CMKLR1: variants seen among roughly 807,000 people sequenced by gnomAD.
CMKLR1 encodes chemerin chemokine-like receptor 1.
A neutral mutation model predicts 8.2 loss-of-function variants in CMKLR1; 6 were observed. That is an observed-to-expected ratio of 0.73 (90% CI 0.40 to 1.44). The LOEUF is 1.44. CMKLR1 is among the 40% of genes most tolerant of loss of function. CMKLR1 has a pLI of 0.02. For missense variants in CMKLR1, 429 were observed against 478.0 expected, an observed-to-expected ratio of 0.90 and a Z score of 0.96; for synonymous variants, 178 against 181.2, an observed-to-expected ratio of 0.98 and a Z score of 0.14.
chr12:108,333,861 G>T (rs899143949), intron 1 of CMKLR1, among the ~76,000 whole-genome samples: 3 of 152,236 alleles, frequency 2.0e-5, no homozygotes, highest in African/African-American at 7.2e-5. Context: ...TGTGTCCATT[G>T]CTGCAAAAAT....
In CMKLR1 at chr12:108,290,012, C is replaced by T. The variant is rs368435515; in HGVS notation, c.*1829G>A. On this transcript the variant is annotated 3_prime_UTR_variant, in exon 4 of 4. Transcript: ENST00000550402. ...CCTCAGGCCCACAAGGGACTGCCTC[C>T]TGCCAGCTTTCCCTCCCCATTGCCT... 2 of 152,394 alleles carry T rather than the reference C, an allele frequency of 1.3e-5. No homozygotes were observed. Among genetic ancestry groups the T allele is most frequent in the African/African-American group, 4.8e-5 (2 of 41,594 alleles). 9.4% of individuals were successfully genotyped at this position (152,394 alleles called of 1,614,324 possible). A position where few individuals can be genotyped will look rare whatever the true frequency, so the allele number is the denominator to read the frequency against.
chr12:108,310,163 C>CTGTGTG lies in CMKLR1; in HGVS notation c.-73-16505_-73-16500dup, dbSNP rs35140046. 7.5e-3 allele frequency among the ~76,000 whole-genome samples: 1,069 copies of CTGTGTG among 142,490 alleles called. 11 individuals carry two copies. Among genetic ancestry groups the CTGTGTG allele is most frequent in the South Asian group, 0.02 (84 of 4,290 alleles). 93.5% of individuals were successfully genotyped at this position (142,490 alleles called of 152,430 possible). On this transcript the variant is annotated intron_variant, in intron 2 of 3. Coordinates refer to ENST00000550402, the MANE Select transcript of CMKLR1 (RefSeq NM_001142343.2). ...AGGCTTGAAAAAGTGTGGTTAGGGGCTGTGTGTGTGTGTGTGTGTGTGTGT... is the reference window on the plus strand; with the variant it reads ...AGGCTTGAAAAAGTGTGGTTAGGGGCTGTGTGTGTGTGTGTGTGTGTGTGTGTGTGT...
chr12:108,291,864 C>G lies in CMKLR1; in HGVS notation c.1099G>C (p.Glu367Gln), dbSNP rs1329645748. Reference sequence around the variant, plus strand: ...GATCAAAGCATGCCGGTCTCCCTCTCATTCATAGAAGTCCTCTCATTCATT... The same window carrying G: ...GATCAAAGCATGCCGGTCTCCCTCTGATTCATAGAAGTCCTCTCATTCATT... ...SSMNERTSMN[E>Q]RETGML Residue 367 changes from glutamate (E) to glutamine (Q), a missense_variant, in exon 4 of 4, where the codon GAG (glutamate) becomes CAG (glutamine). Coordinates refer to ENST00000550402, the MANE Select transcript of CMKLR1 (RefSeq NM_001142343.2). 4.3e-6 allele frequency: 7 copies of G among 1,613,620 alleles called. No homozygotes were observed. The highest frequency in any genetic ancestry group is 5.9e-6 in the Non-Finnish European group (7 of 1,179,738).
intron 2 of CMKLR1, among the ~76,000 whole-genome samples, chr12:108,329,707 T>A (rs1892059867): frequency 1.3e-5 from 2 of 152,190 alleles, no homozygotes; most frequent in Non-Finnish European, 2.9e-5. Context: ...TAGATGGGCC[T>A]CCACTCTGTC....
At chr12:108,336,558 A>G (rs1461480599) in intron 1 of CMKLR1, among the ~76,000 whole-genome samples, 7 of 152,074 alleles carry the variant, frequency 4.6e-5, no homozygotes, top group Non-Finnish European at 1.0e-4. Flanking sequence ...GGAAAAAAAA[A>G]AAAAAGAAAC....
chr12:108,314,322 A>T (rs1891662874), intron 2 of CMKLR1, among the ~76,000 whole-genome samples: 1 of 152,210 alleles, frequency 6.6e-6, no homozygotes, highest in South Asian at 2.1e-4. Flanking sequence ...GGACCCAGTT[A>T]CATGAGTCAC....
chr12:108,295,377 C>G (rs1244611765), intron 2 of CMKLR1, among the ~76,000 whole-genome samples: 1 of 152,250 alleles, frequency 6.6e-6, no homozygotes, highest in Admixed American at 6.5e-5. Context: ...ATGATCTGCT[C>G]AGATTGATGA....
chr12:108,315,823 T>C (rs553711405), intron 2 of CMKLR1, among the ~76,000 whole-genome samples: 87 of 152,320 alleles, frequency 5.7e-4, no homozygotes, highest in South Asian at 3.1e-3. Context: ...GACCACAGAA[T>C]GTCCAAATTT....
At chr12:108,296,950 G>T (rs1238686853) in intron 2 of CMKLR1, among the ~76,000 whole-genome samples, 1 of 152,146 alleles carries the variant, frequency 6.6e-6, no homozygotes, top group Non-Finnish European at 1.5e-5. Context: ...TGACAATGAA[G>T]CCTTTGCCAA....
chr12:108,303,259 G>C (rs1339692192), intron 2 of CMKLR1, among the ~76,000 whole-genome samples: 1 of 152,230 alleles, frequency 6.6e-6, no homozygotes, highest in Non-Finnish European at 1.5e-5. Flanking sequence ...GCCCCTGCTG[G>C]GGGTGGGATG....
chr12:108,320,025 AG>A (rs1403349377), intron 2 of CMKLR1, among the ~76,000 whole-genome samples: 1 of 152,122 alleles, frequency 6.6e-6, no homozygotes, highest in African/African-American at 2.4e-5. Context: ...GAGTAAGCCC[AG>A]GGCTGGGGGA....
At chr12:108,301,538 C>A (rs6539421) in intron 2 of CMKLR1, among the ~76,000 whole-genome samples, 12 of 152,006 alleles carry the variant, frequency 7.9e-5, no homozygotes, top group African/African-American at 2.9e-4. Flanking sequence ...CTCCACCAGC[C>A]CCCAGCTCAG....
chr12:108,292,875 C>T lies in CMKLR1; in HGVS notation c.88G>A (p.Asp30Asn). ...ACCCTGGCTTCCAAGGGGGATAAGT[C>T]CTCCAAAACCACAATGGAGTCTAAA... ...DYLDSIVVLE[D>N]LSPLEARVTR... The change falls in exon 4 of 4, where the codon GAC becomes AAC. Residue 30 changes from aspartate (D) to asparagine (N), a missense_variant. Coordinates refer to ENST00000550402, the MANE Select transcript of CMKLR1 (RefSeq NM_001142343.2). The T allele has an allele frequency of 1.2e-6, 2 of 1,614,112 alleles. No individual in the cohort carries two copies. The highest frequency in any genetic ancestry group is 1.7e-6 in the Non-Finnish European group (2 of 1,180,018).
At chr12:108,319,695 A>ATTG (rs896811423) in intron 2 of CMKLR1, among the ~76,000 whole-genome samples, 19 of 152,230 alleles carry the variant, frequency 1.2e-4, no homozygotes, top group African/African-American at 2.6e-4. Flanking sequence ...CATTGTTATT[A>ATTG]TTGTTGTTGT....
intron 2 of CMKLR1, among the ~76,000 whole-genome samples, chr12:108,324,227 T>C (rs1891930127): frequency 6.6e-6 from 1 of 152,162 alleles, no homozygotes. Context: ...CCAGGAAATG[T>C]GGCCTGGCTG....
rs546888058 is a variant in CMKLR1 at position 108,305,169 on chromosome 12, GTC to G, written c.-73-11507_-73-11506del. 1.5e-4 allele frequency among the ~76,000 whole-genome samples: 23 copies of G among 152,300 alleles called. No individual in the cohort carries two copies. In the South Asian group the frequency reaches 4.8e-3, roughly 32 times the overall value. On this transcript the variant is annotated intron_variant, in intron 2 of 3. Transcript: ENST00000550402. The stretch of plus-strand genomic sequence containing the variant: ...CTAAATCATAGAAAAGAGGGACTTG[GTC>G]TCTCTTGTTTATGGTGTATCCCCAG...
intron 1 of CMKLR1, among the ~76,000 whole-genome samples, chr12:108,337,537 T>A (rs755889002): frequency 3.3e-5 from 5 of 152,054 alleles, no homozygotes; most frequent in Middle Eastern, 3.2e-3. Context: ...TGACTGGTCA[T>A]TAGAACACGG....
chr12:108,303,782 C>A (rs1891337753), intron 2 of CMKLR1, among the ~76,000 whole-genome samples: 1 of 152,222 alleles, frequency 6.6e-6, no homozygotes. Flanking sequence ...AATTTTCTCC[C>A]CCAGGTCCCT....
chr12:108,307,391 C>G (rs571077878), intron 2 of CMKLR1, among the ~76,000 whole-genome samples: 1 of 152,306 alleles, frequency 6.6e-6, no homozygotes, highest in East Asian at 1.9e-4. Context: ...TCACTCTTCT[C>G]TTACAACCAG....
Sources: gnomAD v4.1 joint callset for allele counts (sites outside exome capture counted in the v4.1 genomes callset) on GRCh38, gnomAD v4.1.1 for gene constraint, MANE v1.5 for transcripts, NCBI Gene and HGNC (gene_info 2026-07-23, HGNC 2026-07-21) for gene names.